Variants in ANKRD30BL observed in about 807,000 individuals in gnomAD.
ANKRD30BL encodes ankyrin repeat domain 30B like.
A neutral mutation model predicts 18.4 loss-of-function variants in ANKRD30BL; 20 were observed. That is an observed-to-expected ratio of 1.09 (90% CI 0.77 to 1.58). The LOEUF (loss-of-function observed/expected upper bound fraction) is 1.58. Ranked by LOEUF, ANKRD30BL falls within the 40% of genes most tolerant of loss-of-function variation. The pLI is 0.00. For missense variants in ANKRD30BL, 224 were observed against 268.6 expected, an observed-to-expected ratio of 0.83 and a Z score of 1.16; for synonymous variants, 72 against 100.9, an observed-to-expected ratio of 0.71 and a Z score of 1.72.
chr2:132,232,118 A>G (rs199598911), intron 1 of ANKRD30BL, among the ~76,000 whole-genome samples: 8 of 152,180 alleles, frequency 5.3e-5, no homozygotes, highest in East Asian at 3.9e-4. Flanking sequence ...ACCTGCAGCT[A>G]AGGGTCCTGT....
intron 1 of ANKRD30BL, among the ~76,000 whole-genome samples, chr2:132,209,446 C>G (rs973411366): frequency 2.0e-5 from 3 of 151,864 alleles, no homozygotes; most frequent in African/African-American, 7.3e-5. Flanking sequence ...CTTTGAAACA[C>G]TCTTTTTGTA....
intron 1 of ANKRD30BL, among the ~76,000 whole-genome samples, chr2:132,245,802 G>C (rs1573889783): frequency 6.8e-6 from 1 of 146,192 alleles, no homozygotes; most frequent in Non-Finnish European, 1.5e-5. Flanking sequence ...ATAAAAACTA[G>C]ACAGAAGCAT....
At position 132,248,735 on chromosome 2, in the gene ANKRD30BL, C is replaced by A. The variant is rs1264960617; in HGVS notation, n.441+8794G>T. On this transcript the variant is annotated intron_variant and non_coding_transcript_variant, in intron 1 of 4. Transcript: ENST00000470729. ...TTTATCTCTGTGAGATGAATGCACACCTTGCAAAACAGCTTCTCAGAAACA... is the reference window on the plus strand; with the variant it reads ...TTTATCTCTGTGAGATGAATGCACAACTTGCAAAACAGCTTCTCAGAAACA... 1.3e-5 allele frequency among the ~76,000 whole-genome samples: 2 copies of A among 152,042 alleles called. 1 individual carries two copies. The highest frequency in any genetic ancestry group is 4.1e-4 in the South Asian group (2 of 4,828).
At chr2:132,198,323 T>TCTTTC (rs1679015443) in intron 1 of ANKRD30BL, among the ~76,000 whole-genome samples, 10 of 8,100 alleles carry the variant, frequency 1.2e-3, no homozygotes, top group Middle Eastern at 0.056. Flanking sequence ...TTTCTTTCTT[T>TCTTTC]CTTTTTTTTT....
At chr2:132,165,623 G>C (rs1040065136), upstream of ANKRD30BL, among the ~76,000 whole-genome samples, 2 of 151,698 alleles carry the variant, frequency 1.3e-5, no homozygotes, top group African/African-American at 2.4e-5. Context: ...CTCTGGAGGC[G>C]AGGCAGGAGA....
chr2:132,199,643 A>G (rs1248567760), intron 1 of ANKRD30BL, among the ~76,000 whole-genome samples: 1 of 152,014 alleles, frequency 6.6e-6, no homozygotes, highest in African/African-American at 2.4e-5. Flanking sequence ...AGTAGCTGGG[A>G]TTACAGGCAT....
chr2:132,221,331 C>T (rs1320735809), intron 1 of ANKRD30BL, among the ~76,000 whole-genome samples: 5 of 147,010 alleles, frequency 3.4e-5, no homozygotes, highest in South Asian at 2.1e-4. Flanking sequence ...GGGGGGTCAG[C>T]CCCCCGCCCG....
chr2:132,164,935 G>A (rs146041700), upstream of ANKRD30BL, among the ~76,000 whole-genome samples: 1,539 of 152,188 alleles, frequency 0.01, 21 homozygotes, highest in African/African-American at 0.034. Flanking sequence ...TTAGCCAGGC[G>A]TGGTGGCAGG....
At chr2:132,214,895 T>C (rs997034425) in intron 1 of ANKRD30BL, among the ~76,000 whole-genome samples, 22 of 152,222 alleles carry the variant, frequency 1.4e-4, no homozygotes, top group Non-Finnish European at 2.9e-4. Context: ...ATGTGTGCAT[T>C]CATCTCACAG....
intron 1 of ANKRD30BL, among the ~76,000 whole-genome samples, chr2:132,198,321 TTTC>T (rs1469133715): frequency 0.34 from 5,403 of 15,890 alleles, 224 homozygotes; most frequent in Non-Finnish European, 0.41. Flanking sequence ...TCTTTCTTTC[TTTC>T]TTTTTTTTTT....
chr2:132,204,109 T>C (rs1159799602), intron 1 of ANKRD30BL, among the ~76,000 whole-genome samples: 3 of 152,242 alleles, frequency 2.0e-5, no homozygotes, highest in Admixed American at 6.5e-5. Context: ...TTTGTATCAA[T>C]ATTTTAATTG....
intron 1 of ANKRD30BL, among the ~76,000 whole-genome samples, chr2:132,229,795 A>C (rs75101450): frequency 1.3e-5 from 2 of 152,084 alleles, no homozygotes; most frequent in African/African-American, 4.8e-5. Flanking sequence ...AAATATCTTC[A>C]CATAAAAACT....
chr2:132,184,973 C>T (rs896195231), intron 1 of ANKRD30BL, among the ~76,000 whole-genome samples: 4 of 151,954 alleles, frequency 2.6e-5, no homozygotes, highest in Admixed American at 6.6e-5. Flanking sequence ...CCACCATGCT[C>T]GGCTAATTTT....
At chr2:132,202,356 C>T (rs1044680634) in intron 1 of ANKRD30BL, among the ~76,000 whole-genome samples, 2 of 151,738 alleles carry the variant, frequency 1.3e-5, no homozygotes, top group South Asian at 4.2e-4. Context: ...TAAAATGCCT[C>T]ATGGAAAAAA....
At chr2:132,177,010 C>G (rs1235811011) in intron 1 of ANKRD30BL, among the ~76,000 whole-genome samples, 3 of 152,186 alleles carry the variant, frequency 2.0e-5, no homozygotes, top group Non-Finnish European at 4.4e-5. Context: ...AGACTTGTCT[C>G]TACAGAAAAT....
intron 1 of ANKRD30BL, among the ~76,000 whole-genome samples, chr2:132,207,210 A>C (rs1053202997): frequency 3.3e-5 from 5 of 152,156 alleles, no homozygotes; most frequent in Admixed American, 3.3e-4. Flanking sequence ...TAAATAACTC[A>C]AGTAACAAGA....
chr2:132,256,260 G>A (rs1013220329), intron 1 of ANKRD30BL, among the ~76,000 whole-genome samples: 8 of 151,326 alleles, frequency 5.3e-5, no homozygotes, highest in African/African-American at 1.9e-4. Context: ...GATTGGGCGC[G>A]GCAGGGCGGG....
chr2:132,167,275 T>TTTTTAATTTAATTTAATTTAATTTAA (rs1238241665), intron 1 of ANKRD30BL, among the ~76,000 whole-genome samples: 1 of 111,176 alleles, frequency 9.0e-6, no homozygotes, highest in African/African-American at 3.6e-5. Context: ...CATTCATTTA[T>TTTTTAATTTAATTTAATTTAATTTAA]TTTTATTTTA....
At chr2:132,220,507 G>A (rs1679645120) in intron 1 of ANKRD30BL, among the ~76,000 whole-genome samples, 1 of 151,916 alleles carries the variant, frequency 6.6e-6, no homozygotes, top group Non-Finnish European at 1.5e-5. Flanking sequence ...GTGATTGCAG[G>A]CGCGCGTCGC....
Sources: gnomAD v4.1 joint callset for allele counts (sites outside exome capture counted in the v4.1 genomes callset) on GRCh38, gnomAD v4.1.1 for gene constraint, MANE v1.5 for transcripts, NCBI Gene and HGNC (gene_info 2026-07-23, HGNC 2026-07-21) for gene names.